The following SIPA1L3 variants were observed in gnomAD, a reference collection of about 807,000 sequenced individuals.
The protein encoded by SIPA1L3 is signal induced proliferation associated 1 like 3.
Under a neutral mutation model 150.1 loss-of-function variants are expected in SIPA1L3, and 59 were observed. That is an observed-to-expected ratio of 0.39 (90% CI 0.32 to 0.49). The LOEUF (loss-of-function observed/expected upper bound fraction) is 0.49, where lower values mean the gene tolerates loss of function less well. SIPA1L3 is among the 20% of genes least tolerant of loss of function. SIPA1L3 has a pLI of 0.86. For missense variants in SIPA1L3, 2,211 were observed against 2,489.5 expected, an observed-to-expected ratio of 0.89 and a Z score of 2.38; for synonymous variants, 1,070 against 1,077.6, an observed-to-expected ratio of 0.99 and a Z score of 0.14.
intron 2 of SIPA1L3, among the ~76,000 whole-genome samples, chr19:38,034,129 CT>C (rs577109687): frequency 4.6e-4 from 70 of 152,276 alleles, no homozygotes; most frequent in African/African-American, 1.7e-3. Context: ...ATAGCCTCCC[CT>C]AGCTCCAAGG....
At chr19:37,989,033 C>A (rs1967432641) in intron 1 of SIPA1L3, among the ~76,000 whole-genome samples, 1 of 152,208 alleles carries the variant, frequency 6.6e-6, no homozygotes. Flanking sequence ...AATATAAGCC[C>A]TGTTAGAGCT....
rs139108933 is a variant in SIPA1L3, at chr19:38,185,053, C to G, written c.4430+2313C>G. ...ACACCCCAGGGCCTTTGCACTGGCTCTCACTGCTGCCTCCAGTGAGCTCCC... is the reference window on the plus strand; with the variant it reads ...ACACCCCAGGGCCTTTGCACTGGCTGTCACTGCTGCCTCCAGTGAGCTCCC... On this transcript the variant is annotated intron_variant, in intron 16 of 21. Coordinates refer to ENST00000222345, the MANE Select transcript of SIPA1L3 (RefSeq NM_015073.3). The G allele has an allele frequency of 8.2e-3, 1,257 of 152,760 alleles. 66 individuals are homozygous for G. The South Asian group carries it at 0.11, about 13-fold the overall frequency. The allele number at this position is 152,760 out of a possible 1,614,324, so 9.5% of individuals were successfully genotyped here.
intron 4 of SIPA1L3, among the ~76,000 whole-genome samples, chr19:38,094,722 C>T (rs975557270): frequency 1.3e-5 from 2 of 152,030 alleles, no homozygotes; most frequent in African/African-American, 2.4e-5. Context: ...TGCTTGAGCC[C>T]AGGAATTTGA....
rs1254426198 is a variant in SIPA1L3, at chr19:38,201,853, C to T, written c.4985-9C>T. The T allele has an allele frequency of 6.2e-7, 1 of 1,603,978 alleles. No individual in the cohort carries two copies. The highest frequency in any genetic ancestry group is 1.3e-5 in the African/African-American group (1 of 74,656). Reference sequence around the variant, plus strand: ...GCTGACCCCTCTCCTCCTCCTCCCTCCCTGGCAGTGCAAAGAGCCGTCTCA... The same window carrying T: ...GCTGACCCCTCTCCTCCTCCTCCCTTCCTGGCAGTGCAAAGAGCCGTCTCA... On this transcript the variant is annotated splice_polypyrimidine_tract_variant and intron_variant, in intron 19 of 21. Transcript: ENST00000222345.
chr19:38,176,655 C>T (rs1294461721), intron 15 of SIPA1L3, among the ~76,000 whole-genome samples: 1 of 152,152 alleles, frequency 6.6e-6, no homozygotes, highest in Non-Finnish European at 1.5e-5. Context: ...TTCTCTAAAC[C>T]TTTACCAACC....
At chr19:37,999,739 TG>T (rs1442344729) in intron 1 of SIPA1L3, among the ~76,000 whole-genome samples, 2 of 152,240 alleles carry the variant, frequency 1.3e-5, no homozygotes, top group Non-Finnish European at 2.9e-5. Context: ...TCACTTCTGC[TG>T]AATTCCAGCA....
intron 1 of SIPA1L3, among the ~76,000 whole-genome samples, chr19:37,915,670 T>C (rs1394382950): frequency 6.6e-6 from 1 of 151,962 alleles, no homozygotes; most frequent in Non-Finnish European, 1.5e-5. Flanking sequence ...ATGTGAGCCA[T>C]GCACCCAGCT....
chr19:37,982,437 A>G (rs1292823309), intron 1 of SIPA1L3, among the ~76,000 whole-genome samples: 1 of 152,146 alleles, frequency 6.6e-6, no homozygotes, highest in Non-Finnish European at 1.5e-5. Context: ...ATCATAGGTA[A>G]TGTTCTTCCA....
At chr19:38,116,602 C>T (rs1970890157) in intron 8 of SIPA1L3, among the ~76,000 whole-genome samples, 1 of 151,514 alleles carries the variant, frequency 6.6e-6, no homozygotes, top group Admixed American at 6.6e-5. Flanking sequence ...AATGCCAGCA[C>T]TTTGGGAGGC....
chr19:38,128,376 C>T (rs1269685288), intron 9 of SIPA1L3, among the ~76,000 whole-genome samples: 2 of 152,050 alleles, frequency 1.3e-5, no homozygotes, highest in Non-Finnish European at 2.9e-5. Flanking sequence ...TCCAAATTCT[C>T]GCCGTCCAAA....
intron 3 of SIPA1L3, among the ~76,000 whole-genome samples, chr19:38,087,248 A>G (rs1173363845): frequency 6.6e-6 from 1 of 152,256 alleles, no homozygotes; most frequent in African/African-American, 2.4e-5. Flanking sequence ...CTAGATATGC[A>G]TTGATGGAAA....
At chr19:37,964,153 C>G (rs1020566824) in intron 1 of SIPA1L3, 2 of 152,184 alleles carry the variant, frequency 1.3e-5, no homozygotes, top group African/African-American at 4.8e-5. Flanking sequence ...TGCAGTAGTT[C>G]ATACCTGTAA....
chr19:37,909,720 G>T (rs188310090), intron 1 of SIPA1L3, among the ~76,000 whole-genome samples: 1 of 152,240 alleles, frequency 6.6e-6, no homozygotes, highest in Admixed American at 6.5e-5. Flanking sequence ...AAGTTAGATG[G>T]TGTCAGCGGC....
At chr19:38,126,262 G>A (rs1319690887) in intron 9 of SIPA1L3, among the ~76,000 whole-genome samples, 1 of 152,074 alleles carries the variant, frequency 6.6e-6, no homozygotes, top group African/African-American at 2.4e-5. Flanking sequence ...GGGGTGTGGA[G>A]GATGCCAGGA....
chr19:38,121,443 AT>A (rs1261053118), intron 9 of SIPA1L3, among the ~76,000 whole-genome samples: 1 of 151,374 alleles, frequency 6.6e-6, no homozygotes, highest in Non-Finnish European at 1.5e-5. Context: ...GTCTCAAAAA[AT>A]AAAAATAAAA....
chr19:37,939,801 T>G (rs2046636546), intron 1 of SIPA1L3, among the ~76,000 whole-genome samples: 1 of 152,214 alleles, frequency 6.6e-6, no homozygotes, highest in Non-Finnish European at 1.5e-5. Context: ...ATTTGATTGC[T>G]AAGTGAAAAG....
At chr19:37,946,285 C>T (rs903602398) in intron 1 of SIPA1L3, among the ~76,000 whole-genome samples, 2 of 151,690 alleles carry the variant, frequency 1.3e-5, no homozygotes, top group African/African-American at 4.9e-5. Context: ...TGCTTCTTTC[C>T]CTCCCCACAC....
intron 1 of SIPA1L3, among the ~76,000 whole-genome samples, chr19:38,015,153 T>C (rs1412421932): frequency 6.6e-6 from 1 of 152,196 alleles, no homozygotes; most frequent in Non-Finnish European, 1.5e-5. Flanking sequence ...ATCATTTCAC[T>C]CATTGGAATC....
At chr19:38,061,340 A>G (rs1034069646) in intron 2 of SIPA1L3, among the ~76,000 whole-genome samples, 2 of 152,044 alleles carry the variant, frequency 1.3e-5, no homozygotes, top group Non-Finnish European at 2.9e-5. Context: ...CTGGGATTAC[A>G]GGTGTGAGCC....
Sources: allele counts gnomAD v4.1 joint callset (sites outside exome capture counted in the v4.1 genomes callset), GRCh38; gene constraint gnomAD v4.1.1; transcripts MANE v1.5; gene names NCBI Gene and HGNC (gene_info 2026-07-23, HGNC 2026-07-21).